The following EXOC4 variants were observed in gnomAD, a reference collection of about 807,000 sequenced individuals.
The protein encoded by EXOC4 is exocyst complex component 4, also known as SEC8-like 1.
Under a neutral mutation model 107.2 loss-of-function variants are expected in EXOC4, and 71 were observed. The observed-to-expected ratio is 0.66, with a 90% confidence interval of 0.55 to 0.81. The LOEUF is 0.81. EXOC4 is among the 30% of genes least tolerant of loss of function. The pLI is 0.00. For missense variants in EXOC4, 1,108 were observed against 1,189.6 expected (o/e 0.93, Z 1.01); for synonymous variants, 456 against 441.2 (o/e 1.03, Z -0.42).
chr7:133,338,038 A>T (rs1232531655), intron 5 of EXOC4, among the ~76,000 whole-genome samples: 2 of 149,132 alleles, frequency 1.3e-5, no homozygotes, highest in Non-Finnish European at 3.0e-5. Flanking sequence ...GGAAATAACT[A>T]GGATTTTGAT....
At position 134,055,825 on chromosome 7, in the gene EXOC4, A is replaced by C. The variant is rs547062374; in HGVS notation, c.2688-8466A>C. 3.9e-5 allele frequency among the ~76,000 whole-genome samples: 6 copies of C among 152,348 alleles called. No individual in the cohort carries two copies. The East Asian group carries it at 1.2e-3, about 29-fold the overall frequency. ...GGTATTTTTGGTCTGAGCCTGGATT[A>C]GATTTTAAAAATAAATAAATAAATA... On this transcript the variant is annotated intron_variant, in intron 17 of 17. Coordinates refer to ENST00000253861, the MANE Select transcript of EXOC4 (RefSeq NM_021807.4).
intron 13 of EXOC4, among the ~76,000 whole-genome samples, chr7:133,918,443 A>C (rs938504002): frequency 6.6e-6 from 1 of 152,246 alleles, no homozygotes; most frequent in African/African-American, 2.4e-5. Flanking sequence ...GTTTCTGTCC[A>C]TACAGAATAT....
intron 10 of EXOC4, among the ~76,000 whole-genome samples, chr7:133,655,317 A>C (rs1803264612): frequency 6.6e-6 from 1 of 152,142 alleles, no homozygotes; most frequent in Non-Finnish European, 1.5e-5. Flanking sequence ...TATCACCCCA[A>C]ACCTTTGTCA....
intron 10 of EXOC4, among the ~76,000 whole-genome samples, chr7:133,728,496 C>T (rs929848637): frequency 6.6e-6 from 1 of 152,124 alleles, no homozygotes; most frequent in African/African-American, 2.4e-5. Flanking sequence ...GAGTGTCTTT[C>T]CTTGTTAGAT....
intron 17 of EXOC4, among the ~76,000 whole-genome samples, chr7:134,022,606 G>T (rs188986810): frequency 6.6e-6 from 1 of 151,958 alleles, no homozygotes; most frequent in Non-Finnish European, 1.5e-5. Flanking sequence ...GCAGCTCCTT[G>T]CCTGGGGTTC....
At chr7:133,649,304 C>A (rs958279175) in intron 10 of EXOC4, among the ~76,000 whole-genome samples, 1 of 151,948 alleles carries the variant, frequency 6.6e-6, no homozygotes, top group Non-Finnish European at 1.5e-5. Flanking sequence ...ACTTTCTTTG[C>A]TCTTTATCAT....
rs1340283469 is a variant in EXOC4, at chr7:133,480,442, T to A, written c.1417+304T>A. ...CAGTCACAATCTAGGAGAATGTTGG[T>A]CTTCTGCGACTGCCACTGTTACTTC... On this transcript the variant is annotated intron_variant, in intron 9 of 17. Coordinates refer to ENST00000253861, the MANE Select transcript of EXOC4 (RefSeq NM_021807.4). The A allele has an allele frequency of 3.5e-6, 4 of 1,140,086 alleles. No homozygotes were observed. The African/African-American group carries it at 4.7e-5, about 13-fold the overall frequency. 70.6% of individuals were successfully genotyped at this position (1,140,086 alleles called of 1,614,324 possible). A position where few individuals can be genotyped will look rare whatever the true frequency, so the allele number is the denominator to read the frequency against.
intron 9 of EXOC4, among the ~76,000 whole-genome samples, chr7:133,564,104 T>A (rs1418354790): frequency 3.3e-5 from 5 of 152,194 alleles, no homozygotes; most frequent in Non-Finnish European, 4.4e-5. Context: ...GTTCTCACAT[T>A]GTTGTAAAGT....
At chr7:133,603,347 T>C (rs1402731529) in intron 9 of EXOC4, among the ~76,000 whole-genome samples, 3 of 152,230 alleles carry the variant, frequency 2.0e-5, no homozygotes, top group Admixed American at 2.0e-4. Context: ...CAAATGCATC[T>C]TCATGCAGAT....
At chr7:133,876,644 T>C (rs1362433410) in intron 11 of EXOC4, among the ~76,000 whole-genome samples, 1 of 152,154 alleles carries the variant, frequency 6.6e-6, no homozygotes, top group Non-Finnish European at 1.5e-5. Flanking sequence ...GATGCCTTAC[T>C]GTGAACTCTT....
At position 133,253,125 on chromosome 7, in the gene EXOC4, G is replaced by A. The variant is rs1794928731; in HGVS notation, c.24G>A (p.Gly8=). 2 of 1,614,192 alleles carry A rather than the reference G, an allele frequency of 1.2e-6. No individual in the cohort carries two copies. Among genetic ancestry groups the A allele is most frequent in the South Asian group, 2.2e-5 (2 of 91,090 alleles). Residue 8 remains glycine, a synonymous_variant, in exon 1 of 18, where the codon GGG becomes GGA. Transcript: ENST00000253861. The part of the protein sequence containing the change: MAAEAAG[G]KYRSTVSKSK... ...AGATGGCGGCAGAAGCAGCTGGTGG[G>A]AAATACAGAAGCACAGTCAGCAAAA...
At chr7:133,327,337 C>T (rs905233013) in intron 5 of EXOC4, among the ~76,000 whole-genome samples, 2 of 152,108 alleles carry the variant, frequency 1.3e-5, no homozygotes, top group Non-Finnish European at 2.9e-5. Flanking sequence ...TGTTCTTGTT[C>T]GGCTATCTTG....
Position 133,317,398 on chromosome 7 carries a change from T to C in EXOC4, c.763+8T>C, listed in dbSNP as rs1795014554. The C allele has an allele frequency of 1.3e-6, 2 of 1,561,460 alleles. No individual in the cohort carries two copies. Among genetic ancestry groups the C allele is most frequent in the Non-Finnish European group, 1.8e-6 (2 of 1,132,610 alleles). On this transcript the variant is annotated splice_region_variant and intron_variant, in intron 5 of 17. Transcript: ENST00000253861. ...CTGCTGGAAGCTCAAGTGGTAAGTA[T>C]TTAATTCTTCAGCCACTAAGCTTTT...
chr7:133,608,071 T>C (rs1801989859), intron 9 of EXOC4, among the ~76,000 whole-genome samples: 1 of 152,204 alleles, frequency 6.6e-6, no homozygotes, highest in Non-Finnish European at 1.5e-5. Context: ...ATACTTCAAC[T>C]CAAAGTTGTT....
At chr7:134,016,218 A>T (rs1794905643) in intron 17 of EXOC4, among the ~76,000 whole-genome samples, 2 of 152,152 alleles carry the variant, frequency 1.3e-5, no homozygotes, top group African/African-American at 4.8e-5. Flanking sequence ...TGGATATGTA[A>T]ACTGGAAGCT....
intron 10 of EXOC4, among the ~76,000 whole-genome samples, chr7:133,759,144 A>ATTTTTTTTTTTTTTTTTTTTTTTT (rs34768347): frequency 2.1e-5 from 3 of 140,632 alleles, no homozygotes; most frequent in Non-Finnish European, 4.6e-5. Context: ...CAACAAAAGA[A>ATTTTTTTTTTTTTTTTTTTTTTTT]TTTTTTTTTT....
chr7:133,872,177 T>A (rs966726363), intron 11 of EXOC4, among the ~76,000 whole-genome samples: 9 of 152,134 alleles, frequency 5.9e-5, no homozygotes, highest in African/African-American at 2.2e-4. Context: ...TTCAAAATAA[T>A]CTGCAAAGAT....
intron 9 of EXOC4, among the ~76,000 whole-genome samples, chr7:133,532,711 A>G (rs1800202961): frequency 6.6e-6 from 1 of 152,060 alleles, no homozygotes. Flanking sequence ...AAATAAATAA[A>G]TTATTTATTC....
At chr7:133,423,816 G>A (rs1010407880) in intron 7 of EXOC4, among the ~76,000 whole-genome samples, 7 of 152,160 alleles carry the variant, frequency 4.6e-5, no homozygotes, top group Admixed American at 1.3e-4. Context: ...GGGTGGGCAC[G>A]AGCTCGGAGG....
Sources: gnomAD v4.1 joint callset for allele counts (sites outside exome capture counted in the v4.1 genomes callset) on GRCh38, gnomAD v4.1.1 for gene constraint, MANE v1.5 for transcripts, NCBI Gene and HGNC (gene_info 2026-07-23, HGNC 2026-07-21) for gene names.